The following SUGP1 variants were observed in gnomAD, a reference collection of about 807,000 sequenced individuals.
SUGP1 encodes the protein SURP and G-patch domain-containing protein 1.
SUGP1 carries 34 observed loss-of-function variants against 76.5 expected under a neutral mutation model. The ratio of observed to expected loss-of-function variants is 0.44; its 90% CI spans 0.34 to 0.59. The LOEUF is 0.59. Among genes scored for constraint, SUGP1 ranks in the 20% least tolerant of loss-of-function variants. SUGP1 has a pLI of 0.01. For synonymous variants in SUGP1, 326 were observed against 326.2 expected (o/e 1.00, Z 0.01); for missense variants, 752 against 851.7 (o/e 0.88, Z 1.46).
At chr19:19,300,492 T>TA (rs778899521) in intron 7 of SUGP1, among the ~76,000 whole-genome samples, 1 of 152,180 alleles carries the variant, frequency 6.6e-6, no homozygotes, top group South Asian at 2.1e-4. Flanking sequence ...AGGCGGCTGT[T>TA]AGATTTGGGG....
intron 8 of SUGP1, 62 bp downstream of exon 8, chr19:19,296,927 A>G: frequency 2.2e-6 from 3 of 1,359,084 alleles, no homozygotes; most frequent in Non-Finnish European, 3.0e-6. Context: ...CCTTGAAGAC[A>G]TTATGCTCAG....
chr19:19,279,267 C>T lies in SUGP1; in HGVS notation c.1474G>A (p.Glu492Lys), dbSNP rs150298383. 1.2e-6 allele frequency: 2 copies of T among 1,611,056 alleles called. No homozygotes were observed. Among genetic ancestry groups the T allele is most frequent in the East Asian group, 2.2e-5 (1 of 44,858 alleles). Residue 492 changes from glutamate to lysine, a missense_variant, in exon 10 of 14, where the codon GAG (glutamate) becomes AAG (lysine). This residue lies in a region of SUGP1 where 132 missense variants were observed against 234.4 expected (regional missense o/e 0.56). Coordinates refer to ENST00000247001, the MANE Select transcript of SUGP1 (RefSeq NM_172231.4). ...GYDSDEEVDSELGTWEHQLRR... is the reference protein window; with the variant it reads ...GYDSDEEVDSKLGTWEHQLRR... ...AGCTGGTGCTCCCAGGTGCCCAGCT[C>T]GCTGTCCACCTCCTCATCACTGTCA...
intron 9 of SUGP1, among the ~76,000 whole-genome samples, chr19:19,279,966 C>G (rs931863631): frequency 5.3e-5 from 8 of 152,232 alleles, no homozygotes; most frequent in African/African-American, 1.9e-4. Flanking sequence ...GTCTCCCAGG[C>G]AGGCTGAGAG....
At chr19:19,315,327 C>CAAAGA in intron 2 of SUGP1, among the ~76,000 whole-genome samples, 1 of 147,316 alleles carries the variant, frequency 6.8e-6, no homozygotes, top group Admixed American at 6.8e-5. Context: ...AACCCTGTCT[C>CAAAGA]AAAGAAAAAA....
At chr19:19,297,818 C>T (rs567765603) in intron 7 of SUGP1, among the ~76,000 whole-genome samples, 10 of 152,314 alleles carry the variant, frequency 6.6e-5, no homozygotes, top group Admixed American at 2.6e-4. Flanking sequence ...CTGATTTCTA[C>T]CCCACGTGGG....
chr19:19,282,809 G>A (rs1363278970), intron 8 of SUGP1, among the ~76,000 whole-genome samples: 3 of 152,182 alleles, frequency 2.0e-5, no homozygotes, highest in East Asian at 1.9e-4. Flanking sequence ...CAGGCACGGC[G>A]GCTCACGCCT....
intron 8 of SUGP1, among the ~76,000 whole-genome samples, chr19:19,285,295 A>ATCTG (rs1280404192): frequency 2.6e-5 from 4 of 151,950 alleles, no homozygotes; most frequent in African/African-American, 9.7e-5. Flanking sequence ...CCTCCCAAGT[A>ATCTG]TCTGGGATTA....
At chr19:19,299,573 G>A (rs2061255587) in intron 7 of SUGP1, among the ~76,000 whole-genome samples, 1 of 149,096 alleles carries the variant, frequency 6.7e-6, no homozygotes, top group Non-Finnish European at 1.5e-5. Flanking sequence ...TAGTAGAGAC[G>A]GGGTTTCACT....
At position 19,320,498 on chromosome 19, in the gene SUGP1, C is replaced by G. The variant is rs1008091186; in HGVS notation, c.-2G>C. On this transcript the variant is annotated 5_prime_UTR_variant, in exon 1 of 14. Transcript: ENST00000247001. ...CCGGTTGTCCATCTTGAGACTCATCCAATCCCACAATGCTCCGGCGCCCCT... is the reference window on the plus strand; with the variant it reads ...CCGGTTGTCCATCTTGAGACTCATCGAATCCCACAATGCTCCGGCGCCCCT... The G allele has an allele frequency of 1.2e-6, 2 of 1,610,150 alleles. No individual in the cohort carries two copies.
chr19:19,291,932 C>A (rs563414598), intron 8 of SUGP1, among the ~76,000 whole-genome samples: 1 of 143,692 alleles, frequency 7.0e-6, no homozygotes, highest in African/African-American at 2.6e-5. Context: ...CACACACACA[C>A]AAAAGGGCCA....
In SUGP1 at chr19:19,299,625, A is replaced by G. The variant is rs182838289; in HGVS notation, c.888-2281T>C. On this transcript the variant is annotated intron_variant, in intron 7 of 13. Transcript: ENST00000247001. ...TCTCGATCTCCTGACCTCGTGATCC[A>G]CCCCGCTCAGCCTCCCAAAGTGCTG... 3.6e-3 allele frequency among the ~76,000 whole-genome samples: 532 copies of G among 147,358 alleles called. 2 individuals are homozygous for G. The highest frequency in any genetic ancestry group is 6.2e-3 in the Non-Finnish European group (412 of 66,834).
chr19:19,293,742 TTCC>T (rs2061203688), intron 8 of SUGP1, among the ~76,000 whole-genome samples: 1 of 152,194 alleles, frequency 6.6e-6, no homozygotes. Flanking sequence ...GGATGCACAC[TTCC>T]ACCATTTCCA....
Position 19,276,996 on chromosome 19 carries a change from G to T in SUGP1, c.1862C>A (p.Ala621Glu). Reference protein sequence around the residue: ...ELSKEDDEYEAFRKRMMLAYR... With the variant: ...ELSKEDDEYEEFRKRMMLAYR... ...GGCCAGCATCATCCTCTTGCGGAAC[G>T]CCTCATACTCGTCGTCCTCCTTGGA... is the stretch of plus-strand genomic sequence containing the variant. The change falls in exon 13 of 14, where the codon GCG becomes GAG. Residue 621 changes from alanine (A) to glutamate (E), a missense_variant. Transcript: ENST00000247001. 1 of 1,613,052 alleles carries T rather than the reference G, an allele frequency of 6.2e-7. No homozygotes were observed.
At chr19:19,277,907 C>T in intron 11 of SUGP1, 28 bp from the exon 12 acceptor site, 2 of 1,611,052 alleles carry the variant, frequency 1.2e-6, no homozygotes, top group Non-Finnish European at 8.5e-7. Flanking sequence ...AGCTGTCACC[C>T]ACCAGGGCTG....
intron 8 of SUGP1, among the ~76,000 whole-genome samples, chr19:19,296,135 A>G (rs2061223552): frequency 6.6e-6 from 1 of 151,960 alleles, no homozygotes; most frequent in African/African-American, 2.4e-5. Context: ...TCAGCAACAT[A>G]GTGAGACCCC....
rs765038141 is a variant in SUGP1, at chr19:19,306,070, G to A, written c.317C>T (p.Pro106Leu). 16 of 1,594,844 alleles carry A rather than the reference G, an allele frequency of 1.0e-5. No individual in the cohort carries two copies. The highest frequency in any genetic ancestry group is 2.7e-5 in the African/African-American group (2 of 74,174). Residue 106 changes from proline (P) to leucine (L), a missense_variant, in exon 4 of 14, where the codon CCG becomes CTG. By Grantham distance (98) the Pro-to-Leu change is moderately conservative. Transcript: ENST00000247001. ...LQKAQTSTDA[P>L]TSAPSAPPST... ...GGGAGGGGCGCTGGGCGCACTGGTC[G>A]GGGCGTCTGGTATAGAAGGAAGGAT... is the stretch of plus-strand genomic sequence containing the variant.
At chr19:19,311,597 G>A (rs550064096) in intron 2 of SUGP1, among the ~76,000 whole-genome samples, 1 of 152,082 alleles carries the variant, frequency 6.6e-6, no homozygotes, top group South Asian at 2.1e-4. Flanking sequence ...TGTGGTAGCA[G>A]GCGCCTGTAG....
chr19:19,308,046 TGAGATG>T lies in SUGP1; in HGVS notation c.311-1976_311-1971del, dbSNP rs1280572269. ...TGAATTCTTTTTTGTTTTCTTTTTT[TGAGATG>T]GAGTCTTGCTCTGTCTCCTAGGCTA... On this transcript the variant is annotated intron_variant, in intron 3 of 13. Transcript: ENST00000247001. Among the ~76,000 whole-genome samples, 8 of 152,298 alleles carry T rather than the reference TGAGATG, an allele frequency of 5.3e-5. No homozygotes were observed. In the East Asian group the frequency reaches 1.5e-3, roughly 29 times the overall value.
rs1391553729 is a variant in SUGP1 at position 19,305,681 on chromosome 19, C to T, written c.538+168G>A. ...CACCCCAGCCCCGCCCCTCACCCTC[C>T]TTTGCTCTCCTCACCTCAGAGGGCC... On this transcript the variant is annotated intron_variant, in intron 4 of 13. Transcript: ENST00000247001. 8.0e-6 allele frequency: 5 copies of T among 625,054 alleles called. No homozygotes were observed. In the East Asian group the frequency reaches 8.9e-5, roughly 11 times the overall value. 38.7% of individuals were successfully genotyped at this position (625,054 alleles called of 1,614,324 possible). A position where few individuals can be genotyped will look rare whatever the true frequency, so the allele number is the denominator to read the frequency against.
Sources: gnomAD v4.1 joint callset for allele counts (sites outside exome capture counted in the v4.1 genomes callset) on GRCh38, gnomAD v4.1.1 for gene constraint, gnomAD v4.1.1 regional missense constraint, MANE v1.5 for transcripts, NCBI Gene and HGNC (gene_info 2026-07-23, HGNC 2026-07-21) for gene names.